Variants in STAP1 observed in about 807,000 individuals in gnomAD.
STAP1 encodes the protein signal-transducing adaptor protein 1.
STAP1 carries 30 observed loss-of-function variants against 37.8 expected under a neutral mutation model. The ratio of observed to expected loss-of-function variants is 0.79; its 90% CI spans 0.59 to 1.08. STAP1 has a LOEUF of 1.08. STAP1 is among the 50% of genes least tolerant of loss of function. The pLI is 0.00. For missense variants in STAP1, 357 were observed against 349.4 expected (o/e 1.02, Z -0.17); for synonymous variants, 130 against 116.0 (o/e 1.12, Z -0.78).
rs144188918 is a variant in STAP1, at chr4:67,575,974, A to G, written c.306+476A>G. On this transcript the variant is annotated intron_variant, in intron 3 of 8. Transcript: ENST00000265404. ...ACCCCCATCCCCCAACTCAAAACCT[A>G]TATTTTAAGCAAGCTCCCCGGATGA... 6.5e-3 allele frequency among the ~76,000 whole-genome samples: 986 copies of G among 152,286 alleles called. 12 individuals carry two copies. Among genetic ancestry groups the G allele is most frequent in the Non-Finnish European group, 9.4e-3 (639 of 68,022 alleles).
intron 6 of STAP1, among the ~76,000 whole-genome samples, chr4:67,587,913 G>A (rs1577761045): frequency 1.3e-5 from 2 of 150,500 alleles, no homozygotes; most frequent in Non-Finnish European, 3.0e-5. Context: ...TAGTACAGAC[G>A]GGGTTTCTCC....
At chr4:67,593,149 C>A (rs574771061) in intron 7 of STAP1, 111 bp from the exon 8 acceptor site, 3 of 689,228 alleles carry the variant, frequency 4.4e-6, no homozygotes, top group Admixed American at 2.8e-5. Flanking sequence ...ATACAGTAAG[C>A]CATTGAAGTG....
chr4:67,586,612 G>A (rs1476779726), intron 6 of STAP1, among the ~76,000 whole-genome samples: 1 of 152,138 alleles, frequency 6.6e-6, no homozygotes, highest in Non-Finnish European at 1.5e-5. Flanking sequence ...TGTGGTGTGT[G>A]ACTAAACACA....
At chr4:67,594,856 A>G (rs980951787) in intron 8 of STAP1, among the ~76,000 whole-genome samples, 14 of 152,108 alleles carry the variant, frequency 9.2e-5, no homozygotes, top group Non-Finnish European at 1.6e-4. Flanking sequence ...GAAAGTATCT[A>G]TTTAAATCTT....
intron 1 of STAP1, among the ~76,000 whole-genome samples, chr4:67,559,672 C>T (rs1289602753): frequency 1.3e-5 from 2 of 151,738 alleles, no homozygotes; most frequent in South Asian, 2.1e-4. Flanking sequence ...CCCAAAATTG[C>T]CTGTTATTAA....
At chr4:67,560,160 G>T (rs565399969) in intron 1 of STAP1, among the ~76,000 whole-genome samples, 25 of 152,096 alleles carry the variant, frequency 1.6e-4, no homozygotes, top group African/African-American at 6.0e-4. Context: ...TATGATAGCA[G>T]TTTTTTTTAA....
intron 6 of STAP1, among the ~76,000 whole-genome samples, chr4:67,589,886 C>G (rs141469930): frequency 0.013 from 1,932 of 151,846 alleles, 21 homozygotes; most frequent in Middle Eastern, 0.027. Flanking sequence ...CTCACTGCAG[C>G]CTCAATCTCC....
chr4:67,571,311 T>C (rs916289650), intron 2 of STAP1, among the ~76,000 whole-genome samples, 156 bp downstream of exon 2: 3 of 152,212 alleles, frequency 2.0e-5, no homozygotes, highest in African/African-American at 7.2e-5. Flanking sequence ...CCGCCAATGA[T>C]CACAGGAACG....
intron 1 of STAP1, among the ~76,000 whole-genome samples, chr4:67,568,673 G>A (rs1476294126): frequency 6.6e-6 from 1 of 152,120 alleles, no homozygotes; most frequent in East Asian, 1.9e-4. Context: ...GGATTTTAAA[G>A]TTCAGCTTTG....
intron 4 of STAP1, among the ~76,000 whole-genome samples, chr4:67,579,516 C>T (rs1280640887): frequency 6.6e-6 from 1 of 152,148 alleles, no homozygotes; most frequent in East Asian, 1.9e-4. Context: ...GTTTAATTGG[C>T]TCCTGGTTCT....
At chr4:67,579,193 T>C (rs866547351) in intron 4 of STAP1, among the ~76,000 whole-genome samples, 3 of 152,186 alleles carry the variant, frequency 2.0e-5, no homozygotes, top group Non-Finnish European at 4.4e-5. Flanking sequence ...CCTCAAATTG[T>C]GTATTCTGTA....
chr4:67,588,491 T>G (rs1044040301), intron 6 of STAP1, among the ~76,000 whole-genome samples: 2 of 151,908 alleles, frequency 1.3e-5, no homozygotes, highest in Non-Finnish European at 2.9e-5. Flanking sequence ...CTCACTGCCA[T>G]CTCCGCCTCC....
intron 2 of STAP1, among the ~76,000 whole-genome samples, chr4:67,571,544 C>T (rs1015174016): frequency 2.0e-5 from 3 of 152,082 alleles, no homozygotes; most frequent in African/African-American, 7.2e-5. Context: ...AAAATGATCT[C>T]CAGAGCATGC....
chr4:67,579,713 C>G (rs1276538362), intron 4 of STAP1, among the ~76,000 whole-genome samples: 1 of 152,118 alleles, frequency 6.6e-6, no homozygotes, highest in African/African-American at 2.4e-5. Context: ...AATTCACCCA[C>G]TAACATGAGA....
intron 8 of STAP1, among the ~76,000 whole-genome samples, chr4:67,599,044 C>T: frequency 6.6e-6 from 1 of 152,130 alleles, no homozygotes; most frequent in East Asian, 1.9e-4. Context: ...TTGAGTCATC[C>T]TTGTATCCCA....
intron 6 of STAP1, among the ~76,000 whole-genome samples, chr4:67,586,981 T>C (rs1259457703): frequency 1.3e-5 from 2 of 152,234 alleles, no homozygotes; most frequent in East Asian, 1.9e-4. Context: ...TCAACTGTAT[T>C]GCACAAATTT....
chr4:67,561,322 C>G (rs1727333214), intron 1 of STAP1, among the ~76,000 whole-genome samples: 1 of 152,146 alleles, frequency 6.6e-6, no homozygotes, highest in Admixed American at 6.5e-5. Flanking sequence ...ATCTTTGGAG[C>G]TGATTGGCTA....
intron 1 of STAP1, among the ~76,000 whole-genome samples, chr4:67,562,078 AAAAAAAAAAAAAAG>A (rs1727354943): frequency 7.4e-6 from 1 of 135,922 alleles, no homozygotes; most frequent in East Asian, 2.0e-4. Context: ...CAAAAAAAAA[AAAAAAAAAAAAAAG>A]AAAGAAAGAG....
In STAP1 at chr4:67,575,425, C is replaced by T. The variant is rs150507465; in HGVS notation, c.233C>T (p.Thr78Ile). 2 of 1,604,308 alleles carry T rather than the reference C, an allele frequency of 1.2e-6. No individual in the cohort carries two copies. Among genetic ancestry groups the T allele is most frequent in the Non-Finnish European group, 1.7e-6 (2 of 1,177,160 alleles). ...KLDIVDLTCL[T>I]EQNSTEKNCA... ...GACATAGTAGACCTCACATGCCTTA[C>T]TGAGCAGAATTCAACTGAAAAGAAC... The change falls in exon 3 of 9, where the codon ACT becomes ATT. Residue 78 changes from threonine (T) to isoleucine (I), a missense_variant. By Grantham distance (89) the Thr-to-Ile change is moderately conservative (BLOSUM62 -1). Coordinates refer to ENST00000265404, the MANE Select transcript of STAP1 (RefSeq NM_012108.4).
Sources: allele counts gnomAD v4.1 joint callset (sites outside exome capture counted in the v4.1 genomes callset), GRCh38; gene constraint gnomAD v4.1.1; transcripts MANE v1.5; gene names NCBI Gene and HGNC (gene_info 2026-07-23, HGNC 2026-07-21).